The following IHO1 variants were observed in gnomAD, a reference collection of about 807,000 sequenced individuals.
IHO1 encodes the protein interactor of HORMAD1 protein 1.
Under a neutral mutation model 31.0 loss-of-function variants are expected in IHO1, and 13 were observed. The ratio of observed to expected loss-of-function variants is 0.42; its 90% CI spans 0.27 to 0.67. The LOEUF (loss-of-function observed/expected upper bound fraction) is 0.67, where lower values mean the gene tolerates loss of function less well. Among genes scored for constraint, IHO1 ranks in the 30% least tolerant of loss-of-function variants. IHO1 has a pLI of 0.24. For missense variants in IHO1, 599 were observed against 687.5 expected (o/e 0.87, Z 1.44); for synonymous variants, 221 against 248.4 (o/e 0.89, Z 1.04).
At chr3:49,244,375 T>C (rs1383227708) in intron 4 of IHO1, 29 bp from the exon 5 acceptor site, 1 of 1,327,908 alleles carries the variant, frequency 7.5e-7, no homozygotes. Context: ...TTCATAAAGA[T>C]TTGTTTTCTT....
intron 1 of IHO1, among the ~76,000 whole-genome samples, chr3:49,203,514 A>C (rs983862551): frequency 1.3e-5 from 2 of 152,144 alleles, no homozygotes; most frequent in African/African-American, 4.8e-5. Flanking sequence ...TAGGGAAGAG[A>C]CTGGAGTGGG....
intron 4 of IHO1, among the ~76,000 whole-genome samples, chr3:49,241,625 A>T (rs2046632704): frequency 6.7e-6 from 1 of 150,074 alleles, no homozygotes; most frequent in Non-Finnish European, 1.5e-5. Flanking sequence ...AGAATTATAG[A>T]TTGATTTTTT....
chr3:49,251,738 A>G (rs1332863272), intron 6 of IHO1, among the ~76,000 whole-genome samples: 2 of 151,928 alleles, frequency 1.3e-5, no homozygotes, highest in African/African-American at 4.8e-5. Flanking sequence ...AGTAGCTGGG[A>G]CTACAGGCAT....
At chr3:49,238,459 A>T (rs1387206758) in intron 3 of IHO1, among the ~76,000 whole-genome samples, 1 of 152,190 alleles carries the variant, frequency 6.6e-6, no homozygotes, top group Non-Finnish European at 1.5e-5. Context: ...AAAGGCTGAG[A>T]CCTGAACAGA....
chr3:49,212,822 T>C (rs531695010), intron 2 of IHO1, among the ~76,000 whole-genome samples: 73 of 152,234 alleles, frequency 4.8e-4, no homozygotes, highest in African/African-American at 1.4e-3. Flanking sequence ...AGGAGCAAGA[T>C]TTATTGCAAA....
rs138675202 is a variant in IHO1 at position 49,228,913 on chromosome 3, A to G, written c.57-7635A>G. On this transcript the variant is annotated intron_variant, in intron 2 of 7. Transcript: ENST00000452691. ...TTTACTCCCTTATTTGGCCCTACCC[A>G]CATCCTGCTGATTGGTCCATTTTAC... Among the ~76,000 whole-genome samples the G allele has an allele frequency of 5.8e-3, 888 of 152,318 alleles. 8 individuals are homozygous for G. Among genetic ancestry groups the G allele is most frequent in the African/African-American group, 0.02 (846 of 41,580 alleles).
In IHO1 at chr3:49,256,614, A is replaced by T; in HGVS notation, c.1117A>T (p.Ser373Cys). The T allele has an allele frequency of 6.2e-7, 1 of 1,614,270 alleles. No homozygotes were observed. Among genetic ancestry groups the T allele is most frequent in the Non-Finnish European group, 8.5e-7 (1 of 1,180,046 alleles). ...AACAGGTGCCAAGAACCATGGTTCC[A>T]GCGTCCCAGGCCATAAGATTCCCAG... ...TKTGAKNHGS[S>C]VPGHKIPSDR... The change falls in exon 8 of 8, where the codon AGC becomes TGC. Residue 373 changes from serine (S) to cysteine (C), a missense_variant. Physicochemically the swap from Ser to Cys is moderately radical, Grantham distance 112. Coordinates refer to ENST00000452691, the MANE Select transcript of IHO1 (RefSeq NM_001135197.2). The surrounding 1 kb of genome is among the most constrained non-coding windows in gnomAD (Gnocchi z 4.6).
intron 1 of IHO1, among the ~76,000 whole-genome samples, chr3:49,200,844 A>G (rs2046060958): frequency 6.6e-6 from 1 of 152,170 alleles, no homozygotes; most frequent in African/African-American, 2.4e-5. Flanking sequence ...AGAGCTTTAG[A>G]GAGATGGGAT....
chr3:49,251,914 T>TATCACGAGA (rs1448473780), intron 6 of IHO1, among the ~76,000 whole-genome samples: 2 of 150,130 alleles, frequency 1.3e-5, no homozygotes, highest in Non-Finnish European at 3.0e-5. Context: ...TTAGTTTTTA[T>TATCACGAGA]ATCACGAGAT....
At chr3:49,242,825 C>T (rs1042321865) in intron 4 of IHO1, among the ~76,000 whole-genome samples, 1 of 151,926 alleles carries the variant, frequency 6.6e-6, no homozygotes, top group Non-Finnish European at 1.5e-5. Flanking sequence ...AGCAAAAAAA[C>T]AACAACAACA....
At chr3:49,208,006 T>C (rs942346255) in intron 1 of IHO1, among the ~76,000 whole-genome samples, 3 of 152,150 alleles carry the variant, frequency 2.0e-5, no homozygotes, top group African/African-American at 7.2e-5. Context: ...TCTCCTGACC[T>C]TTTGATCCGC....
intron 4 of IHO1, 58 bp downstream of exon 4, chr3:49,241,447 T>C: frequency 1.4e-6 from 2 of 1,473,206 alleles, no homozygotes; most frequent in Non-Finnish European, 1.8e-6. Flanking sequence ...AAACAAGACA[T>C]AGAGTGTCAG....
At chr3:49,212,535 G>A (rs1246883386) in intron 2 of IHO1, among the ~76,000 whole-genome samples, 1 of 151,416 alleles carries the variant, frequency 6.6e-6, no homozygotes, top group Non-Finnish European at 1.5e-5. Flanking sequence ...AAAAAAAAGA[G>A]GGTTCCCTTC....
At chr3:49,212,324 A>T (rs949266506) in intron 2 of IHO1, among the ~76,000 whole-genome samples, 2 of 143,418 alleles carry the variant, frequency 1.4e-5, no homozygotes, top group East Asian at 4.3e-4. Flanking sequence ...AGCTTGGCCA[A>T]CGTGGCAAAA....
chr3:49,220,163 C>T (rs561411033), intron 2 of IHO1, among the ~76,000 whole-genome samples: 4 of 152,318 alleles, frequency 2.6e-5, no homozygotes, highest in African/African-American at 9.6e-5. Flanking sequence ...TTAGGATACA[C>T]CCCACAGATC....
chr3:49,222,963 T>C (rs529359607), intron 2 of IHO1, among the ~76,000 whole-genome samples: 1 of 152,294 alleles, frequency 6.6e-6, no homozygotes, highest in South Asian at 2.1e-4. Context: ...AAATAATCCA[T>C]AGATGGAGAG....
At chr3:49,195,283 G>A (rs2045990155), upstream of IHO1, among the ~76,000 whole-genome samples, 2 of 151,752 alleles carry the variant, frequency 1.3e-5, no homozygotes, top group South Asian at 2.1e-4. Flanking sequence ...TTAGCTGGGC[G>A]TGGTGACATG....
At chr3:49,202,314 T>C (rs1451688176) in intron 1 of IHO1, among the ~76,000 whole-genome samples, 10 of 151,018 alleles carry the variant, frequency 6.6e-5, no homozygotes, top group Non-Finnish European at 1.0e-4. Flanking sequence ...AAGAGGTTAC[T>C]TCTTTTTAAT....
intron 2 of IHO1, among the ~76,000 whole-genome samples, chr3:49,218,530 T>C (rs2046316645): frequency 6.6e-6 from 1 of 151,898 alleles, no homozygotes; most frequent in Non-Finnish European, 1.5e-5. Context: ...TACAAGCACA[T>C]GCCACCACAC....
Sources: gnomAD v4.1 joint callset for allele counts (sites outside exome capture counted in the v4.1 genomes callset) on GRCh38, gnomAD v4.1.1 for gene constraint, Gnocchi (gnomAD v3.1) non-coding constraint, MANE v1.5 for transcripts, NCBI Gene and HGNC (gene_info 2026-07-23, HGNC 2026-07-21) for gene names.